The following PDGFD variants were observed in gnomAD, a reference collection of about 807,000 sequenced individuals.
The protein encoded by PDGFD is platelet derived growth factor D.
In PDGFD, 30 loss-of-function variants were observed where a neutral mutation model predicts 44.7. That is an observed-to-expected ratio of 0.67 (90% confidence interval 0.50 to 0.91). The LOEUF is 0.91. Among genes scored for constraint, PDGFD ranks in the 40% least tolerant of loss-of-function variants. PDGFD has a pLI of 0.00. For missense variants in PDGFD, 445 were observed against 457.8 expected (o/e 0.97, Z 0.25); for synonymous variants, 173 against 168.4 (o/e 1.03, Z -0.21).
intron 1 of PDGFD, among the ~76,000 whole-genome samples, chr11:104,017,464 T>C (rs1269442855): frequency 2.6e-5 from 4 of 152,186 alleles, no homozygotes; most frequent in Admixed American, 2.6e-4. Flanking sequence ...TTTTAGTCTC[T>C]ATCTACTTTC....
intron 1 of PDGFD, among the ~76,000 whole-genome samples, chr11:104,057,136 C>CA (rs113332289): frequency 7.9e-5 from 12 of 152,170 alleles, no homozygotes; most frequent in African/African-American, 2.6e-4. Flanking sequence ...CCTCCCCCTA[C>CA]AAAAAATAAA....
At chr11:103,976,663 G>GT (rs1859190043) in intron 3 of PDGFD, among the ~76,000 whole-genome samples, 1 of 151,910 alleles carries the variant, frequency 6.6e-6, no homozygotes, top group South Asian at 2.1e-4. Context: ...TTGGCTATGG[G>GT]TTTCTCATAA....
intron 1 of PDGFD, chr11:104,037,999 C>A (rs371239684): frequency 2.5e-6 from 4 of 1,612,370 alleles, no homozygotes; most frequent in East Asian, 2.2e-5. Context: ...GGATTCAGGA[C>A]GAAAAGAGCA....
At chr11:103,927,989 TA>T (rs1162443482) in intron 5 of PDGFD, among the ~76,000 whole-genome samples, 1 of 152,190 alleles carries the variant, frequency 6.6e-6, no homozygotes, top group Non-Finnish European at 1.5e-5. Context: ...GGACAAAATT[TA>T]AAAATATACT....
At chr11:104,060,956 T>G (rs1475710293) in intron 1 of PDGFD, among the ~76,000 whole-genome samples, 1 of 152,176 alleles carries the variant, frequency 6.6e-6, no homozygotes, top group Non-Finnish European at 1.5e-5. Flanking sequence ...TTTCTAATTT[T>G]TCATCACTTC....
chr11:103,973,884 G>C (rs1267067378), intron 3 of PDGFD, among the ~76,000 whole-genome samples: 1 of 152,110 alleles, frequency 6.6e-6, no homozygotes, highest in Non-Finnish European at 1.5e-5. Flanking sequence ...AAAATATCCT[G>C]GTGCCATGCT....
chr11:104,034,867 C>A (rs1465198121), intron 1 of PDGFD, among the ~76,000 whole-genome samples: 2 of 152,274 alleles, frequency 1.3e-5, no homozygotes, highest in East Asian at 1.9e-4. Context: ...TGGTCTCGAT[C>A]TCCTGACCTC....
intron 5 of PDGFD, among the ~76,000 whole-genome samples, chr11:103,942,974 G>C (rs1858609676): frequency 6.6e-6 from 1 of 152,062 alleles, no homozygotes; most frequent in Admixed American, 6.6e-5. Flanking sequence ...ATCTCATCCA[G>C]CTCCAAACTA....
chr11:103,930,465 C>T (rs1858383680), intron 5 of PDGFD, among the ~76,000 whole-genome samples: 1 of 151,202 alleles, frequency 6.6e-6, no homozygotes, highest in Non-Finnish European at 1.5e-5. Flanking sequence ...ATCATGAGTG[C>T]ATGAAATACT....
intron 1 of PDGFD, among the ~76,000 whole-genome samples, chr11:104,021,863 A>AAC (rs1448535140): frequency 6.6e-6 from 1 of 152,150 alleles, no homozygotes; most frequent in Non-Finnish European, 1.5e-5. Context: ...GGGGAATACT[A>AAC]ACACCTTGGG....
chr11:104,163,349 C>A (rs1167471541), intron 1 of PDGFD, among the ~76,000 whole-genome samples: 2 of 152,070 alleles, frequency 1.3e-5, no homozygotes, highest in Non-Finnish European at 2.9e-5. Flanking sequence ...TCTCCTCTCA[C>A]TCGTAAAAAT....
chr11:104,050,927 T>A (rs1196497233), intron 1 of PDGFD, among the ~76,000 whole-genome samples: 6 of 152,196 alleles, frequency 3.9e-5, no homozygotes, highest in Non-Finnish European at 8.8e-5. Flanking sequence ...AACTCAATAC[T>A]ATCAATCCTC....
intron 1 of PDGFD, among the ~76,000 whole-genome samples, chr11:104,001,874 T>C (rs1169243255): frequency 6.6e-6 from 1 of 152,206 alleles, no homozygotes; most frequent in African/African-American, 2.4e-5. Flanking sequence ...ACAAAGAGGA[T>C]AAGAATTGGC....
chr11:103,994,394 C>T (rs1009663162), intron 3 of PDGFD, among the ~76,000 whole-genome samples: 5 of 152,156 alleles, frequency 3.3e-5, no homozygotes, highest in South Asian at 2.1e-4. Context: ...GTTCACACTT[C>T]AATTTTAATA....
At chr11:103,948,804 C>T (rs993431868) in intron 3 of PDGFD, among the ~76,000 whole-genome samples, 3 of 151,886 alleles carry the variant, frequency 2.0e-5, no homozygotes. Flanking sequence ...ATATAAATTT[C>T]CTGTGTTTAA....
At chr11:104,054,155 C>T (rs186083763) in intron 1 of PDGFD, among the ~76,000 whole-genome samples, 2 of 152,288 alleles carry the variant, frequency 1.3e-5, no homozygotes, top group East Asian at 3.9e-4. Context: ...ATGTTTATTT[C>T]ATAACTGGAT....
At chr11:104,113,338 G>T (rs1861588336) in intron 1 of PDGFD, among the ~76,000 whole-genome samples, 1 of 152,104 alleles carries the variant, frequency 6.6e-6, no homozygotes, top group South Asian at 2.1e-4. Context: ...GGCAAGGATG[G>T]GGGAGGGGAG....
Position 104,139,063 on chromosome 11 carries a change from G to A in PDGFD, c.124+24741C>T, listed in dbSNP as rs949398027. Among the ~76,000 whole-genome samples the A allele has an allele frequency of 7.2e-5, 11 of 152,100 alleles. No homozygotes were observed. In the South Asian group the frequency reaches 1.7e-3, roughly 23 times the overall value. On this transcript the variant is annotated intron_variant, in intron 1 of 6. Transcript: ENST00000393158. ...AGGCATGCGCCACCATGCCTGGCTGGGTACAGTAAATATTATACGGTTTAT... is the reference window on the plus strand; with the variant it reads ...AGGCATGCGCCACCATGCCTGGCTGAGTACAGTAAATATTATACGGTTTAT...
intron 1 of PDGFD, among the ~76,000 whole-genome samples, chr11:104,080,828 T>A (rs551484058): frequency 6.6e-6 from 1 of 152,238 alleles, no homozygotes; most frequent in Admixed American, 6.5e-5. Context: ...AATTGCTCGC[T>A]CTGGTTGGAA....
Sources: gnomAD v4.1 joint callset for allele counts (sites outside exome capture counted in the v4.1 genomes callset) on GRCh38, gnomAD v4.1.1 for gene constraint, MANE v1.5 for transcripts, NCBI Gene and HGNC (gene_info 2026-07-23, HGNC 2026-07-21) for gene names.